XKR9: variants seen among roughly 807,000 people sequenced by gnomAD.
XKR9 encodes XK related 9.
Under a neutral mutation model 32.0 loss-of-function variants are expected in XKR9, and 32 were observed. The observed-to-expected ratio is 1.00, with a 90% CI of 0.76 to 1.34. The LOEUF is 1.34. Ranked by LOEUF, XKR9 falls within the 40% of genes most tolerant of loss-of-function variation. The pLI, the probability that XKR9 is intolerant of heterozygous loss-of-function variation, is 0.00. For missense variants in XKR9, 546 were observed against 429.7 expected (o/e 1.27, Z -2.39); for synonymous variants, 168 against 143.4 (o/e 1.17, Z -1.22).
intron 3 of XKR9, among the ~76,000 whole-genome samples, chr8:70,682,336 A>G (rs1819110302): frequency 6.6e-6 from 1 of 152,208 alleles, no homozygotes; most frequent in African/African-American, 2.4e-5. Context: ...AAGAAAGATA[A>G]AAGTTGCTTT....
intron 2 of XKR9, among the ~76,000 whole-genome samples, chr8:70,751,644 T>C (rs889656574): frequency 6.6e-6 from 1 of 152,106 alleles, no homozygotes; most frequent in African/African-American, 2.4e-5. Flanking sequence ...GAAAGGTGAT[T>C]TGCCGTTTCT....
At chr8:70,892,353 T>G in the XKR9 span, among the ~76,000 whole-genome samples, 2 of 152,190 alleles carry the variant, frequency 1.3e-5, no homozygotes, top group South Asian at 4.1e-4. Context: ...TTATTGTTTA[T>G]CATTACAGTT....
the XKR9 span, among the ~76,000 whole-genome samples, chr8:70,895,106 G>T: frequency 3.3e-5 from 5 of 152,174 alleles, no homozygotes; most frequent in Non-Finnish European, 7.4e-5. Flanking sequence ...GACCCCATTG[G>T]TGAGTTCTCT....
At chr8:70,890,350 T>C in the XKR9 span, among the ~76,000 whole-genome samples, 3 of 152,028 alleles carry the variant, frequency 2.0e-5, no homozygotes, top group Non-Finnish European at 4.4e-5. Flanking sequence ...CTATATTGAA[T>C]AGAAATAGTG....
In XKR9 at chr8:70,681,156, T is replaced by A. The variant is rs1470560744; in HGVS notation, c.98T>A (p.Phe33Tyr). 3 of 1,613,624 alleles carry A rather than the reference T, an allele frequency of 1.9e-6. No individual in the cohort carries two copies. The highest frequency in any genetic ancestry group is 1.3e-5 in the African/African-American group (1 of 75,026). ...GACATATGGGTATCTGTCAGATTTT[T>A]CCATGAAGGACAGTATGTTTTTAGT... ...IVDIWVSVRFFHEGQYVFSAL... is the reference protein window; with the variant it reads ...IVDIWVSVRFYHEGQYVFSAL... Residue 33 changes from phenylalanine (F) to tyrosine (Y), a missense_variant, in exon 3 of 5, where the codon TTC becomes TAC. Transcript: ENST00000408926.
At chr8:70,909,647 G>GA in the XKR9 span, among the ~76,000 whole-genome samples, 8 of 97,656 alleles carry the variant, frequency 8.2e-5, no homozygotes, top group African/African-American at 2.6e-4. Context: ...AGTCTCAAAA[G>GA]AAAAAAAACA....
downstream of XKR9, among the ~76,000 whole-genome samples, chr8:70,793,235 A>G (rs1807786634): frequency 6.6e-6 from 1 of 152,010 alleles, no homozygotes; most frequent in African/African-American, 2.4e-5. Flanking sequence ...GGGTGTTTGT[A>G]CCCTCCAAAA....
rs1806842779 is a variant in XKR9 at position 70,735,660 on chromosome 8, G to C, written c.*1236G>C. 7.9e-6 allele frequency: 1 copy of C among 126,020 alleles called. No homozygotes were observed. Among genetic ancestry groups the C allele is most frequent in the African/African-American group, 3.1e-5 (1 of 32,380 alleles). The allele number at this position is 126,020 out of a possible 1,614,324, so 7.8% of individuals were successfully genotyped here. A position where few individuals can be genotyped will look rare whatever the true frequency, so the allele number is the denominator to read the frequency against. On this transcript the variant is annotated 3_prime_UTR_variant, in exon 5 of 5. Transcript: ENST00000408926. The stretch of plus-strand genomic sequence containing the variant: ...CCCAGAGTGTGATGATCCCCTTCCT[G>C]TGTCCATGTGTTCTCATTGTTCAGT...
the XKR9 span, among the ~76,000 whole-genome samples, chr8:70,858,830 A>C: frequency 1.3e-5 from 2 of 152,078 alleles, no homozygotes; most frequent in Non-Finnish European, 2.9e-5. Context: ...CTGGACCCCT[A>C]TTCCTCACCA....
downstream of XKR9, among the ~76,000 whole-genome samples, chr8:70,737,297 G>A (rs1377083014): frequency 4.8e-5 from 7 of 146,058 alleles, no homozygotes; most frequent in Admixed American, 3.4e-4. Context: ...AAGAATGCTT[G>A]TGATTTTTGT....
intron 3 of XKR9, among the ~76,000 whole-genome samples, chr8:70,696,977 C>G (rs1461531172): frequency 6.6e-6 from 1 of 151,282 alleles, no homozygotes; most frequent in Non-Finnish European, 1.5e-5. Context: ...TGATTTGGCT[C>G]TCTGTTTGTC....
chr8:70,711,424 C>T (rs1805916122), intron 4 of XKR9, among the ~76,000 whole-genome samples: 1 of 152,104 alleles, frequency 6.6e-6, no homozygotes, highest in African/African-American at 2.4e-5. Flanking sequence ...TACATATATA[C>T]CATGGAATAC....
At chr8:70,692,022 A>T (rs1354174572) in intron 3 of XKR9, among the ~76,000 whole-genome samples, 1 of 126,972 alleles carries the variant, frequency 7.9e-6, no homozygotes, top group African/African-American at 2.6e-5. Context: ...CATTTTAATG[A>T]TATTGATTCT....
chr8:70,842,547 T>TACACACACACACACACACAC, the XKR9 span, among the ~76,000 whole-genome samples: 1 of 149,026 alleles, frequency 6.7e-6, no homozygotes, highest in Non-Finnish European at 1.5e-5. Context: ...CATCATTATT[T>TACACACACACACACACACAC]ACACACACAC....
At chr8:70,706,586 T>G (rs992859874) in intron 3 of XKR9, among the ~76,000 whole-genome samples, 1 of 152,162 alleles carries the variant, frequency 6.6e-6, no homozygotes, top group African/African-American at 2.4e-5. Flanking sequence ...TTACTATCTG[T>G]GTAACTTTCA....
At chr8:70,779,239 G>A (rs1200504975) in intron 2 of XKR9, among the ~76,000 whole-genome samples, 4 of 152,036 alleles carry the variant, frequency 2.6e-5, no homozygotes, top group Non-Finnish European at 5.9e-5. Context: ...TTCTGTTTAT[G>A]TGATGGATTA....
chr8:71,052,464 A>AC, the XKR9 span, among the ~76,000 whole-genome samples: 2 of 152,024 alleles, frequency 1.3e-5, no homozygotes, highest in African/African-American at 4.8e-5. Flanking sequence ...TCTTCACAGC[A>AC]CCCCCAGGAG....
At chr8:70,894,130 C>G in the XKR9 span, among the ~76,000 whole-genome samples, 1 of 151,894 alleles carries the variant, frequency 6.6e-6, no homozygotes, top group Non-Finnish European at 1.5e-5. Flanking sequence ...AATTCAGGAA[C>G]CTGAGCCAAT....
chr8:70,881,977 G>A, the XKR9 span, among the ~76,000 whole-genome samples: 1 of 152,134 alleles, frequency 6.6e-6, no homozygotes, highest in Non-Finnish European at 1.5e-5. Flanking sequence ...CATGGATGAA[G>A]CTGGAAACCA....
Sources: gnomAD v4.1 joint callset for allele counts (sites outside exome capture counted in the v4.1 genomes callset) on GRCh38, gnomAD v4.1.1 for gene constraint, MANE v1.5 for transcripts, NCBI Gene and HGNC (gene_info 2026-07-23, HGNC 2026-07-21) for gene names.